Variants in SORCS2 observed in about 807,000 individuals in gnomAD.
The protein encoded by SORCS2 is VPS10 domain-containing receptor SorCS2.
In SORCS2, 100 loss-of-function variants were observed where a neutral mutation model predicts 141.6. That is an observed-to-expected ratio of 0.71 (90% CI 0.60 to 0.83). The LOEUF is 0.83. Ranked by LOEUF, SORCS2 falls within the 40% of genes least tolerant of loss-of-function variation. The pLI is 0.00. For missense variants in SORCS2, 1,646 were observed against 1,560.2 expected (o/e 1.05, Z -0.93); for synonymous variants, 789 against 676.9 (o/e 1.17, Z -2.57).
intron 1 of SORCS2, among the ~76,000 whole-genome samples, chr4:7,318,361 G>C (rs6814710): frequency 0.59 from 89,630 of 151,980 alleles, 26,503 homozygotes; most frequent in South Asian, 0.72. Flanking sequence ...CTTGCAAGGC[G>C]AATGCACCAT....
At chr4:7,562,370 A>C (rs752993192) in intron 3 of SORCS2, among the ~76,000 whole-genome samples, 49 of 151,970 alleles carry the variant, frequency 3.2e-4, no homozygotes, top group Non-Finnish European at 5.4e-4. Flanking sequence ...GAGCATGGCA[A>C]GAGTGGTGGC....
chr4:7,464,763 T>C (rs1577608729), intron 2 of SORCS2, among the ~76,000 whole-genome samples: 2 of 152,364 alleles, frequency 1.3e-5, no homozygotes, highest in African/African-American at 4.8e-5. Flanking sequence ...TAGTCCAGAC[T>C]TTCTGAACTT....
intron 1 of SORCS2, among the ~76,000 whole-genome samples, chr4:7,258,392 C>T (rs186783397): frequency 2.2e-4 from 33 of 152,208 alleles, no homozygotes; most frequent in African/African-American, 7.5e-4. Flanking sequence ...TGAGAACATG[C>T]GGTGTTTGGT....
chr4:7,453,595 G>A (rs1728645178), intron 2 of SORCS2, among the ~76,000 whole-genome samples: 1 of 136,286 alleles, frequency 7.3e-6, no homozygotes, highest in South Asian at 2.5e-4. Flanking sequence ...GCACTGTGTT[G>A]GGGTCAGGAG....
chr4:7,519,190 G>A (rs564420673), intron 2 of SORCS2, among the ~76,000 whole-genome samples: 11 of 152,182 alleles, frequency 7.2e-5, no homozygotes, highest in Middle Eastern at 3.4e-3. Flanking sequence ...TGCCTGTGCC[G>A]GGAGCATGAC....
intron 1 of SORCS2, among the ~76,000 whole-genome samples, chr4:7,389,411 G>A (rs1577487179): frequency 1.3e-5 from 2 of 152,274 alleles, no homozygotes; most frequent in South Asian, 4.2e-4. Context: ...CTGCCCGTGG[G>A]CCCCACTGAT....
intron 1 of SORCS2, among the ~76,000 whole-genome samples, chr4:7,247,455 A>G (rs1713172943): frequency 6.6e-6 from 1 of 152,338 alleles, no homozygotes; most frequent in African/African-American, 2.4e-5. Flanking sequence ...AAATATAATG[A>G]AAAACATTTT....
chr4:7,369,789 T>C (rs1722133681), intron 1 of SORCS2, among the ~76,000 whole-genome samples: 1 of 152,210 alleles, frequency 6.6e-6, no homozygotes, highest in African/African-American at 2.4e-5. Context: ...TCAGCGCATC[T>C]TCAGCCTCCC....
At chr4:7,473,357 A>C (rs1383755612) in intron 2 of SORCS2, among the ~76,000 whole-genome samples, 1 of 152,182 alleles carries the variant, frequency 6.6e-6, no homozygotes, top group Non-Finnish European at 1.5e-5. Flanking sequence ...GGGTGCCTAC[A>C]GGGACCCTGG....
chr4:7,619,153 G>A (rs971860812), intron 3 of SORCS2, among the ~76,000 whole-genome samples: 16 of 152,278 alleles, frequency 1.1e-4, no homozygotes, highest in Admixed American at 5.9e-4. Flanking sequence ...GGTCAGCTAC[G>A]AGGGTTCATG....
At chr4:7,510,151 C>T (rs1284345161) in intron 2 of SORCS2, among the ~76,000 whole-genome samples, 2 of 152,234 alleles carry the variant, frequency 1.3e-5, no homozygotes, top group Non-Finnish European at 2.9e-5. Context: ...GCGCGGGTTT[C>T]GGCATTGCTG....
chr4:7,703,473 G>A (rs752406855), intron 13 of SORCS2, 102 bp downstream of exon 13: 3 of 893,372 alleles, frequency 3.4e-6, no homozygotes, highest in Non-Finnish European at 5.1e-6. Context: ...CCTCCCCTCG[G>A]GGACACATGA....
At chr4:7,215,655 G>A (rs972932888) in intron 1 of SORCS2, among the ~76,000 whole-genome samples, 62 of 152,222 alleles carry the variant, frequency 4.1e-4, no homozygotes, top group Middle Eastern at 6.8e-3. Flanking sequence ...TACACCAATC[G>A]GCACTCTGTA....
At chr4:7,303,533 G>T (rs1429783513) in intron 1 of SORCS2, among the ~76,000 whole-genome samples, 1 of 152,188 alleles carries the variant, frequency 6.6e-6, no homozygotes, top group African/African-American at 2.4e-5. Flanking sequence ...CTTTCTTTCA[G>T]TGTTTTTATC....
At position 7,193,234 on chromosome 4, in the gene SORCS2, G is replaced by T; in HGVS notation, c.480+108G>T. The stretch of plus-strand genomic sequence containing the variant: ...CAGATCCCCACTATGGTCATCAGGG[G>T]CGGGTTCTTGGCGACTTGGGCACTT... On this transcript the variant is annotated intron_variant, in intron 1 of 26. Coordinates refer to ENST00000507866, the MANE Select transcript of SORCS2 (RefSeq NM_020777.3). The surrounding 1 kb of genome is among the most constrained non-coding windows in gnomAD (Gnocchi z 4.8). 1 of 1,276,382 alleles carries T rather than the reference G, an allele frequency of 7.8e-7. No individual in the cohort carries two copies. The highest frequency in any genetic ancestry group is 9.9e-7 in the Non-Finnish European group (1 of 1,008,662). 79.1% of individuals were successfully genotyped at this position (1,276,382 alleles called of 1,614,324 possible). A position where few individuals can be genotyped will look rare whatever the true frequency, so the allele number is the denominator to read the frequency against.
At chr4:7,294,529 C>T (rs1716821278) in intron 1 of SORCS2, among the ~76,000 whole-genome samples, 1 of 149,392 alleles carries the variant, frequency 6.7e-6, no homozygotes, top group East Asian at 1.9e-4. Context: ...CCAGGGAGCT[C>T]CTCCTCCATG....
chr4:7,406,536 A>G (rs191593404), intron 2 of SORCS2, among the ~76,000 whole-genome samples: 10 of 151,456 alleles, frequency 6.6e-5, no homozygotes, highest in Admixed American at 3.9e-4. Flanking sequence ...AGTTGTTTAT[A>G]CTTGTCCTAG....
intron 3 of SORCS2, among the ~76,000 whole-genome samples, chr4:7,550,096 GT>G (rs59288057): frequency 3.4e-5 from 5 of 146,066 alleles, no homozygotes; most frequent in African/African-American, 1.3e-4. Flanking sequence ...GGGAGCTGGT[GT>G]TTTTTTTTTT....
chr4:7,582,982 T>G (rs1326506450), intron 3 of SORCS2, among the ~76,000 whole-genome samples: 1 of 151,766 alleles, frequency 6.6e-6, no homozygotes, highest in African/African-American at 2.4e-5. Flanking sequence ...TTCCTAGGAC[T>G]TGGCACATAG....
Sources: allele counts gnomAD v4.1 joint callset (sites outside exome capture counted in the v4.1 genomes callset), GRCh38; gene constraint gnomAD v4.1.1; non-coding constraint Gnocchi (gnomAD v3.1); transcripts MANE v1.5; gene names NCBI Gene and HGNC (gene_info 2026-07-23, HGNC 2026-07-21).